SHISA9: variants seen among roughly 807,000 people sequenced by gnomAD.
SHISA9 encodes the protein shisa family member 9.
A neutral mutation model predicts 38.0 loss-of-function variants in SHISA9; 13 were observed. The observed-to-expected ratio is 0.34, with a 90% CI of 0.22 to 0.54. SHISA9 has a LOEUF of 0.54. Among genes scored for constraint, SHISA9 ranks in the 20% least tolerant of loss-of-function variants. The probability of loss-of-function intolerance (pLI) is 0.91; values close to 1 mark genes in which losing one functional copy is unlikely to be tolerated. For missense variants in SHISA9, 538 were observed against 575.8 expected, an observed-to-expected ratio of 0.93 and a Z score of 0.67; for synonymous variants, 275 against 242.0, an observed-to-expected ratio of 1.14 and a Z score of -1.27.
At chr16:13,455,226 C>G in the SHISA9 span, among the ~76,000 whole-genome samples, 2 of 152,272 alleles carry the variant, frequency 1.3e-5, no homozygotes, top group Non-Finnish European at 2.9e-5. Flanking sequence ...CATCCCCTGC[C>G]TCAGCCTCTG....
At chr16:13,387,140 G>A in the SHISA9 span, among the ~76,000 whole-genome samples, 1 of 152,138 alleles carries the variant, frequency 6.6e-6, no homozygotes, top group East Asian at 1.9e-4. Flanking sequence ...CATTTACATA[G>A]AATTTGCAAC....
At chr16:13,473,054 C>CTTGTTTG in the SHISA9 span, among the ~76,000 whole-genome samples, 1 of 152,226 alleles carries the variant, frequency 6.6e-6, no homozygotes, top group African/African-American at 2.4e-5. Context: ...GATTAGATGC[C>CTTGTTTG]AGTCATTGTA....
Position 13,139,642 on chromosome 16 carries a change from G to A in SHISA9, c.692-63752G>A, listed in dbSNP as rs1316731905. Among the ~76,000 whole-genome samples, 11 of 151,988 alleles carry A rather than the reference G, an allele frequency of 7.2e-5. 1 individual carries two copies. The highest frequency in any genetic ancestry group is 1.2e-4 in the African/African-American group (5 of 41,456). ...ATGGTCTGTAGCACGAGTCTCCTCC[G>A]CATTCCCTGTCTTGGAAACAATTCT... On this transcript the variant is annotated intron_variant, in intron 2 of 4. Transcript: ENST00000558583.
intron 2 of SHISA9, among the ~76,000 whole-genome samples, chr16:12,988,326 C>T (rs1019654853): frequency 3.9e-5 from 6 of 152,118 alleles, no homozygotes; most frequent in Non-Finnish European, 8.8e-5. Context: ...AACATTCTCC[C>T]GCAGGTCGTC....
rs76202437 is a variant in SHISA9, at chr16:13,137,108, C to A, written c.692-66286C>A. 5.1e-3 allele frequency among the ~76,000 whole-genome samples: 771 copies of A among 152,278 alleles called. 8 individuals carry two copies. Among genetic ancestry groups the A allele is most frequent in the African/African-American group, 0.017 (716 of 41,548 alleles). On this transcript the variant is annotated intron_variant, in intron 2 of 4. Transcript: ENST00000558583. ...CTTTCCCTTTCAGGAGTTTTCAAGC[C>A]TGTCTCAGCTTGTGAGAAGTCAAGT...
At chr16:13,090,524 T>G (rs1455765858) in intron 2 of SHISA9, among the ~76,000 whole-genome samples, 1 of 152,220 alleles carries the variant, frequency 6.6e-6, no homozygotes, top group Admixed American at 6.5e-5. Context: ...AGTTAGCTCT[T>G]CTTGTTTAAT....
the SHISA9 span, among the ~76,000 whole-genome samples, chr16:13,354,496 A>G: frequency 2.2e-4 from 34 of 151,410 alleles, no homozygotes; most frequent in Middle Eastern, 3.4e-3. Context: ...AGACTCAACA[A>G]AGAGTGAGTA....
At chr16:13,412,202 G>A in the SHISA9 span, among the ~76,000 whole-genome samples, 1 of 152,122 alleles carries the variant, frequency 6.6e-6, no homozygotes, top group Non-Finnish European at 1.5e-5. Flanking sequence ...TCTGCTCAAT[G>A]AGAAATGATA....
the SHISA9 span, among the ~76,000 whole-genome samples, chr16:13,287,111 G>A: frequency 1.3e-5 from 2 of 152,200 alleles, no homozygotes; most frequent in African/African-American, 4.8e-5. Flanking sequence ...GAAAATGTAA[G>A]TACGTTATTT....
At chr16:12,953,186 AAAAG>A (rs1479289823) in intron 2 of SHISA9, among the ~76,000 whole-genome samples, 2 of 150,762 alleles carry the variant, frequency 1.3e-5, no homozygotes, top group African/African-American at 4.9e-5. Context: ...AGTAAAAAAA[AAAAG>A]AAAAACAAAA....
chr16:13,479,432 G>T, the SHISA9 span, among the ~76,000 whole-genome samples: 1 of 152,122 alleles, frequency 6.6e-6, no homozygotes, highest in East Asian at 1.9e-4. Context: ...AGGGGCCCCA[G>T]AATTTGTTGC....
intron 2 of SHISA9, among the ~76,000 whole-genome samples, chr16:12,985,551 A>G (rs1170837552): frequency 6.6e-6 from 1 of 152,152 alleles, no homozygotes. Flanking sequence ...AGGGGCTGAG[A>G]CTGGAGGCAA....
At chr16:13,271,435 C>T in the SHISA9 span, among the ~76,000 whole-genome samples, 1 of 152,116 alleles carries the variant, frequency 6.6e-6, no homozygotes, top group African/African-American at 2.4e-5. Flanking sequence ...TTGTTTTCAG[C>T]TTAAGGTTAT....
chr16:13,222,667 C>T (rs1440906001), intron 4 of SHISA9, among the ~76,000 whole-genome samples: 1 of 152,064 alleles, frequency 6.6e-6, no homozygotes, highest in Admixed American at 6.5e-5. Flanking sequence ...CAGGCAGCCA[C>T]AGCATCTTCT....
intron 1 of SHISA9, among the ~76,000 whole-genome samples, chr16:12,906,804 T>C (rs1054614694): frequency 6.6e-6 from 1 of 152,188 alleles, no homozygotes; most frequent in Non-Finnish European, 1.5e-5. Flanking sequence ...GGGGCTGTCC[T>C]GTGCATGGCA....
At chr16:13,220,085 C>T (rs1024275843) in intron 4 of SHISA9, among the ~76,000 whole-genome samples, 4 of 152,320 alleles carry the variant, frequency 2.6e-5, no homozygotes, top group East Asian at 1.9e-4. Context: ...CACTGCGTAA[C>T]AAATAACCTC....
chr16:13,544,314 G>T, the SHISA9 span, among the ~76,000 whole-genome samples: 1 of 148,638 alleles, frequency 6.7e-6, no homozygotes, highest in African/African-American at 2.4e-5. Context: ...CCTCAGAAGG[G>T]TAAAGTACCA....
chr16:13,382,078 A>AAAC, the SHISA9 span, among the ~76,000 whole-genome samples: 1 of 152,220 alleles, frequency 6.6e-6, no homozygotes, highest in African/African-American at 2.4e-5. Flanking sequence ...CGGTATGGGT[A>AAAC]AACAGTATTT....
chr16:13,481,313 G>T, the SHISA9 span, among the ~76,000 whole-genome samples: 1 of 66,274 alleles, frequency 1.5e-5, no homozygotes, highest in Non-Finnish European at 4.3e-5. Context: ...ATTTCTATAT[G>T]TTGGGTACAT....
Sources: allele counts gnomAD v4.1 joint callset (sites outside exome capture counted in the v4.1 genomes callset), GRCh38; gene constraint gnomAD v4.1.1; transcripts MANE v1.5; gene names NCBI Gene and HGNC (gene_info 2026-07-23, HGNC 2026-07-21).